SPECC1L: variants seen among roughly 807,000 people sequenced by gnomAD.
SPECC1L encodes the protein cytospin-A.
Under a neutral mutation model 116.8 loss-of-function variants are expected in SPECC1L, and 40 were observed. That is an observed-to-expected ratio of 0.34 (90% CI 0.27 to 0.45). The LOEUF is 0.45. Among genes scored for constraint, SPECC1L ranks in the 20% least tolerant of loss-of-function variants. SPECC1L has a pLI of 1.00. For synonymous variants in SPECC1L, 504 were observed against 500.6 expected (o/e 1.01, Z -0.09); for missense variants, 1,110 against 1,373.6 (o/e 0.81, Z 3.03).
intron 2 of SPECC1L, among the ~76,000 whole-genome samples, chr22:24,293,237 T>G (rs1008398261): frequency 2.6e-4 from 40 of 151,396 alleles, no homozygotes; most frequent in Non-Finnish European, 4.9e-4. Context: ...AGTCGAATCA[T>G]GAGGTCAGGA....
chr22:24,357,436 A>G (rs952202613), intron 11 of SPECC1L, among the ~76,000 whole-genome samples: 1 of 152,196 alleles, frequency 6.6e-6, no homozygotes, highest in South Asian at 2.1e-4. Context: ...GTTATTTTAA[A>G]TGCTTTATAG....
chr22:24,315,358 ATCC>A (rs2040539497), intron 4 of SPECC1L, among the ~76,000 whole-genome samples: 1 of 152,264 alleles, frequency 6.6e-6, no homozygotes, highest in African/African-American at 2.4e-5. Context: ...GAGAACTAGT[ATCC>A]TCATTTTAGA....
At chr22:24,273,293 T>C (rs1304207863) in intron 1 of SPECC1L, among the ~76,000 whole-genome samples, 1 of 152,194 alleles carries the variant, frequency 6.6e-6, no homozygotes, top group African/African-American at 2.4e-5. Flanking sequence ...GTGTGTGGTA[T>C]TATGCAAACT....
intron 8 of SPECC1L, among the ~76,000 whole-genome samples, chr22:24,333,551 G>A (rs1244198573): frequency 1.3e-5 from 2 of 149,528 alleles, no homozygotes; most frequent in African/African-American, 2.5e-5. Context: ...ACTAATATGG[G>A]TCTAGGCTTT....
chr22:24,356,460 GTCTT>G (rs1387212624), intron 11 of SPECC1L, among the ~76,000 whole-genome samples: 1 of 151,960 alleles, frequency 6.6e-6, no homozygotes, highest in Admixed American at 6.5e-5. Flanking sequence ...TTGTTCTGAA[GTCTT>G]TCTTTTCTGA....
intron 14 of SPECC1L, among the ~76,000 whole-genome samples, chr22:24,410,158 TTG>T (rs2042666940): frequency 6.6e-6 from 1 of 152,184 alleles, no homozygotes. Context: ...GGTTTGTGGT[TTG>T]TGTGTTTTTT....
chr22:24,302,215 C>G lies in SPECC1L; in HGVS notation c.-17C>G, dbSNP rs757518333. The G allele has an allele frequency of 3.1e-6, 5 of 1,613,816 alleles. No homozygotes were observed. The highest frequency in any genetic ancestry group is 4.2e-6 in the Non-Finnish European group (5 of 1,179,900). ...CACAGATTTGCTTGTAAATGCATCA[C>G]GAAGAGGCAGCCCAGAATGAAGAAA... On this transcript the variant is annotated 5_prime_UTR_variant, in exon 3 of 17. Transcript: ENST00000314328.
intron 9 of SPECC1L, among the ~76,000 whole-genome samples, chr22:24,338,121 A>G (rs982754878): frequency 3.3e-5 from 5 of 152,226 alleles, no homozygotes; most frequent in Admixed American, 1.3e-4. Context: ...AACATAATTA[A>G]ATAACAAAAA....
chr22:24,337,974 T>C (rs1343276425), intron 9 of SPECC1L, among the ~76,000 whole-genome samples: 2 of 152,114 alleles, frequency 1.3e-5, no homozygotes, highest in African/African-American at 4.8e-5. Context: ...AAGCAGGAGT[T>C]CCTCATTCTT....
At chr22:24,295,992 T>G (rs941867027) in intron 2 of SPECC1L, among the ~76,000 whole-genome samples, 5 of 152,164 alleles carry the variant, frequency 3.3e-5, no homozygotes, top group African/African-American at 9.7e-5. Context: ...ATTGGACAAG[T>G]AGACAAATCT....
chr22:24,390,872 C>CTTTTTTTTT (rs1016008966), intron 14 of SPECC1L, among the ~76,000 whole-genome samples: 62 of 57,122 alleles, frequency 1.1e-3, no homozygotes, highest in African/African-American at 3.6e-3. Context: ...TTTTTCTTTT[C>CTTTTTTTTT]TTTTTTTTTT....
intron 14 of SPECC1L, 64 bp downstream of exon 14, chr22:24,369,384 C>T: frequency 8.7e-7 from 1 of 1,149,964 alleles, no homozygotes. Context: ...AGTGTCGTAG[C>T]TTACTACGTG....
At position 24,322,630 on chromosome 22, in the gene SPECC1L, T is replaced by C. The variant is rs1269685212; in HGVS notation, c.1650T>C (p.Ser550=). ...ACCATATGGAGCGAATTATTGAGTC[T>C]GAGCAGAAAGGAAAAGCAGCCTTGG... The part of the protein sequence containing the change: ...RSHHMERIIE[S]EQKGKAALAA... The change falls in exon 5 of 17, where the codon TCT becomes TCC. Residue 550 remains serine, a synonymous_variant. Coordinates refer to ENST00000314328, the MANE Select transcript of SPECC1L (RefSeq NM_015330.6). The C allele has an allele frequency of 1.2e-6, 2 of 1,613,898 alleles. No homozygotes were observed. The highest frequency in any genetic ancestry group is 1.3e-5 in the African/African-American group (1 of 74,882).
At chr22:24,309,548 A>G (rs1194990902) in intron 3 of SPECC1L, among the ~76,000 whole-genome samples, 4 of 152,084 alleles carry the variant, frequency 2.6e-5, no homozygotes, top group Non-Finnish European at 4.4e-5. Flanking sequence ...TTACAGGCAC[A>G]TGCTGCCACA....
intron 14 of SPECC1L, among the ~76,000 whole-genome samples, chr22:24,393,675 T>C (rs992084010): frequency 1.3e-5 from 2 of 152,116 alleles, no homozygotes; most frequent in African/African-American, 4.8e-5. Flanking sequence ...TGCATTGAGG[T>C]ATAGTTGACA....
At chr22:24,400,176 C>T (rs2042446245) in intron 14 of SPECC1L, among the ~76,000 whole-genome samples, 1 of 152,240 alleles carries the variant, frequency 6.6e-6, no homozygotes, top group Non-Finnish European at 1.5e-5. Context: ...TCACCACTAC[C>T]TAGTTCCAAA....
intron 11 of SPECC1L, among the ~76,000 whole-genome samples, chr22:24,352,530 GAA>G (rs532745643): frequency 6.7e-6 from 1 of 149,270 alleles, no homozygotes; most frequent in Admixed American, 6.7e-5. Flanking sequence ...TGAGTATTTT[GAA>G]AAAAAAATGA....
intron 3 of SPECC1L, among the ~76,000 whole-genome samples, chr22:24,306,237 ATT>A (rs1166525196): frequency 8.6e-5 from 13 of 151,576 alleles, no homozygotes; most frequent in Non-Finnish European, 1.5e-4. Context: ...CTCAGTGGAC[ATT>A]TAGACCCTCT....
At chr22:24,381,560 C>G (rs1005148151) in intron 14 of SPECC1L, among the ~76,000 whole-genome samples, 2 of 152,106 alleles carry the variant, frequency 1.3e-5, no homozygotes, top group Non-Finnish European at 2.9e-5. Flanking sequence ...TTATGCTTTA[C>G]TTGAATTCTA....
Sources: allele counts gnomAD v4.1 joint callset (sites outside exome capture counted in the v4.1 genomes callset), GRCh38; gene constraint gnomAD v4.1.1; transcripts MANE v1.5; gene names NCBI Gene and HGNC (gene_info 2026-07-23, HGNC 2026-07-21).